FAAH2: variants seen among roughly 807,000 people sequenced by gnomAD.
FAAH2 encodes fatty acid amide hydrolase 2, also known as fatty-acid amide hydrolase 2.
FAAH2 carries 60 observed loss-of-function variants against 36.9 expected under a neutral mutation model. That is an observed-to-expected ratio of 1.63 (90% CI 1.32 to 2.02). FAAH2 has a LOEUF of 2.02. FAAH2 is among the 30% of genes most tolerant of loss of function. The probability of loss-of-function intolerance (pLI) is 0.00; values close to 1 mark genes in which losing one functional copy is unlikely to be tolerated. For synonymous variants in FAAH2, 214 were observed against 143.8 expected, an observed-to-expected ratio of 1.49 and a Z score of -3.49; for missense variants, 689 against 397.5, an observed-to-expected ratio of 1.73 and a Z score of -6.23.
intron 4 of FAAH2, among the ~76,000 whole-genome samples, chrX:57,335,164 T>A (rs1402389326): frequency 8.9e-6 from 1 of 112,034 alleles, no homozygotes; most frequent in African/African-American, 3.2e-5. Flanking sequence ...CAGATTACAG[T>A]GAAGGGATGG....
chrX:57,337,816 C>T (rs907633690), intron 4 of FAAH2, among the ~76,000 whole-genome samples: 1 of 111,908 alleles, frequency 8.9e-6, no homozygotes, highest in African/African-American at 3.2e-5. Context: ...TGGGCAAAAG[C>T]TGGAAGCATT....
intron 7 of FAAH2, among the ~76,000 whole-genome samples, chrX:57,399,619 C>A (rs1160356786): frequency 9.0e-6 from 1 of 111,389 alleles, no homozygotes; most frequent in Non-Finnish European, 1.9e-5. Context: ...TTTCCCTTTT[C>A]TTTCCTTTCT....
chrX:57,365,278 C>T (rs2054386133), intron 5 of FAAH2, among the ~76,000 whole-genome samples: 1 of 111,824 alleles, frequency 8.9e-6, no homozygotes, highest in Non-Finnish European at 1.9e-5. Flanking sequence ...GTAGCATTTG[C>T]TTGTCTGAAA....
At chrX:57,215,834 A>G in the FAAH2 span, among the ~76,000 whole-genome samples, 1 of 106,594 alleles carries the variant, frequency 9.4e-6, no homozygotes, top group Non-Finnish European at 1.9e-5. Flanking sequence ...GGCAAGGGGA[A>G]GGAGAGCATC....
the FAAH2 span, among the ~76,000 whole-genome samples, chrX:57,164,345 C>T: frequency 8.9e-6 from 1 of 112,040 alleles, no homozygotes; most frequent in Non-Finnish European, 1.9e-5. Flanking sequence ...AAAAAAGGTA[C>T]ATAGATTAGG....
At chrX:57,452,523 A>G (rs1463019484) in intron 10 of FAAH2, among the ~76,000 whole-genome samples, 1 of 112,722 alleles carries the variant, frequency 8.9e-6, no homozygotes, top group Non-Finnish European at 1.9e-5. Flanking sequence ...TTAACAAAAT[A>G]ATCTGCTATA....
At chrX:57,129,401 A>T in the FAAH2 span, among the ~76,000 whole-genome samples, 1 of 112,033 alleles carries the variant, frequency 8.9e-6, no homozygotes, top group Non-Finnish European at 1.9e-5. Flanking sequence ...AAAGCTAGCA[A>T]TATCTAACTT....
intron 5 of FAAH2, among the ~76,000 whole-genome samples, chrX:57,358,916 G>T (rs2054224485): frequency 9.0e-6 from 1 of 110,857 alleles, no homozygotes; most frequent in African/African-American, 3.3e-5. Context: ...GTACATAGTA[G>T]GTGTATATAT....
At chrX:57,418,870 CT>C (rs1427829892) in intron 7 of FAAH2, among the ~76,000 whole-genome samples, 6 of 78,915 alleles carry the variant, frequency 7.6e-5, no homozygotes, top group African/African-American at 2.8e-4. Flanking sequence ...TCCTTCCCCC[CT>C]CCCCCCACCC....
upstream of FAAH2, among the ~76,000 whole-genome samples, chrX:57,283,018 G>GA (rs2051767808): frequency 1.8e-5 from 2 of 112,205 alleles, no homozygotes; most frequent in Admixed American, 1.9e-4. Flanking sequence ...CTACCCTAGA[G>GA]AAATTCAGAG....
the FAAH2 span, among the ~76,000 whole-genome samples, chrX:57,274,086 C>T: frequency 8.9e-6 from 1 of 111,851 alleles, no homozygotes; most frequent in South Asian, 3.7e-4. Flanking sequence ...GATATCACCA[C>T]TGATCCCACA....
the FAAH2 span, among the ~76,000 whole-genome samples, chrX:57,188,371 A>C: frequency 9.0e-6 from 1 of 110,599 alleles, no homozygotes; most frequent in South Asian, 3.9e-4. Flanking sequence ...CTATTCTCTG[A>C]TGGTAGTTTG....
chrX:57,411,343 T>C (rs2055695408), intron 7 of FAAH2, among the ~76,000 whole-genome samples: 1 of 111,885 alleles, frequency 8.9e-6, no homozygotes, highest in Non-Finnish European at 1.9e-5. Context: ...GATTCTGACC[T>C]GATTATGAGA....
At chrX:57,186,619 A>T in the FAAH2 span, among the ~76,000 whole-genome samples, 1,086 of 111,821 alleles carry the variant, frequency 9.7e-3, 15 homozygotes, top group Non-Finnish European at 0.015. Context: ...TTGTTGTTTT[A>T]GTCATGAAGT....
chrX:57,221,204 A>G, the FAAH2 span, among the ~76,000 whole-genome samples: 1 of 110,594 alleles, frequency 9.0e-6, no homozygotes, highest in Non-Finnish European at 1.9e-5. Flanking sequence ...CTAGGCAGAA[A>G]TATCTTTCCA....
intron 5 of FAAH2, among the ~76,000 whole-genome samples, chrX:57,374,697 TA>T (rs1345562954): frequency 2.7e-5 from 3 of 111,690 alleles, no homozygotes; most frequent in Non-Finnish European, 5.6e-5. Context: ...GGATGCCCTT[TA>T]TTTCCACCTT....
chrX:57,323,239 G>A (rs911850532), intron 3 of FAAH2, among the ~76,000 whole-genome samples: 1 of 111,547 alleles, frequency 9.0e-6, no homozygotes, highest in East Asian at 2.8e-4. Context: ...ATCATTGTTG[G>A]ACATTTGGGT....
At chrX:57,122,291 G>A in the FAAH2 span, among the ~76,000 whole-genome samples, 7 of 111,267 alleles carry the variant, frequency 6.3e-5, no homozygotes, top group Admixed American at 2.9e-4. Flanking sequence ...GAAATTAGAT[G>A]TTTTCTAATC....
chrX:57,407,703 C>A (rs1182644685), intron 7 of FAAH2, among the ~76,000 whole-genome samples: 3 of 111,559 alleles, frequency 2.7e-5, no homozygotes, highest in Admixed American at 9.5e-5. Flanking sequence ...TAATGGGAAG[C>A]CTGGAAGGGG....
Sources: allele counts gnomAD v4.1 joint callset (sites outside exome capture counted in the v4.1 genomes callset), GRCh38; gene constraint gnomAD v4.1.1; transcripts MANE v1.5; gene names NCBI Gene and HGNC (gene_info 2026-07-23, HGNC 2026-07-21).